The following RAPGEF4 variants were observed in gnomAD, a reference collection of about 807,000 sequenced individuals.
RAPGEF4 encodes the protein RAP guanine-nucleotide-exchange factor (GEF) 4.
Under a neutral mutation model 147.9 loss-of-function variants are expected in RAPGEF4, and 66 were observed. The observed-to-expected ratio is 0.45, with a 90% CI of 0.37 to 0.55. The LOEUF (loss-of-function observed/expected upper bound fraction) is 0.55. Among genes scored for constraint, RAPGEF4 ranks in the 20% least tolerant of loss-of-function variants. RAPGEF4 has a pLI of 0.00. For synonymous variants in RAPGEF4, 419 were observed against 442.7 expected (o/e 0.95, Z 0.67); for missense variants, 1,071 against 1,257.3 (o/e 0.85, Z 2.24).
intron 25 of RAPGEF4, among the ~76,000 whole-genome samples, chr2:173,029,527 C>T (rs1403324043): frequency 2.6e-5 from 4 of 152,082 alleles, no homozygotes; most frequent in East Asian, 1.9e-4. Context: ...CTAATAATGG[C>T]GTAAGTACAG....
intron 18 of RAPGEF4, among the ~76,000 whole-genome samples, chr2:173,015,292 C>T (rs1418262749): frequency 1.3e-5 from 2 of 152,186 alleles, no homozygotes; most frequent in Non-Finnish European, 2.9e-5. Flanking sequence ...TCCCGTAGCT[C>T]TAGCCCCAAA....
At chr2:173,012,960 A>C (rs1450455423) in intron 17 of RAPGEF4, among the ~76,000 whole-genome samples, 17 of 152,256 alleles carry the variant, frequency 1.1e-4, no homozygotes, top group Admixed American at 1.1e-3. Context: ...TAATCAGAAA[A>C]GAAATAATTT....
At chr2:172,822,679 T>C (rs184209918) in intron 4 of RAPGEF4, among the ~76,000 whole-genome samples, 14 of 152,222 alleles carry the variant, frequency 9.2e-5, no homozygotes, top group African/African-American at 3.1e-4. Flanking sequence ...ATTTCGGGAG[T>C]GTAGAGTGAA....
chr2:172,963,833 C>T (rs775205758), intron 8 of RAPGEF4, among the ~76,000 whole-genome samples: 1 of 152,134 alleles, frequency 6.6e-6, no homozygotes, highest in African/African-American at 2.4e-5. Context: ...TGCAGCATAA[C>T]CCCCCAAAAT....
intron 4 of RAPGEF4, chr2:172,821,935 G>T (rs2258180): frequency 0.52 from 830,973 of 1,611,662 alleles, 216,547 homozygotes; most frequent in East Asian, 0.57. Context: ...GGATGTCTGA[G>T]AACTTTGAGA....
At chr2:173,015,972 T>C (rs1695475023) in intron 18 of RAPGEF4, among the ~76,000 whole-genome samples, 1 of 152,190 alleles carries the variant, frequency 6.6e-6, no homozygotes, top group Non-Finnish European at 1.5e-5. Flanking sequence ...TTCAAAACAT[T>C]GGCTTTCATA....
At chr2:172,787,147 G>C (rs1211042193) in intron 1 of RAPGEF4, among the ~76,000 whole-genome samples, 4 of 152,136 alleles carry the variant, frequency 2.6e-5, no homozygotes, top group African/African-American at 9.7e-5. Flanking sequence ...GGGAGGTAGA[G>C]GTTGCGGTGA....
intron 4 of RAPGEF4, among the ~76,000 whole-genome samples, chr2:172,911,604 G>A (rs1354021702): frequency 2.0e-5 from 3 of 151,692 alleles, no homozygotes; most frequent in Non-Finnish European, 2.9e-5. Flanking sequence ...AATTATAGGC[G>A]TGTACCACCA....
chr2:172,799,159 C>T (rs976666162), intron 3 of RAPGEF4, among the ~76,000 whole-genome samples: 2 of 152,154 alleles, frequency 1.3e-5, no homozygotes, highest in Non-Finnish European at 2.9e-5. Flanking sequence ...TTATCCAGTC[C>T]TTCTTGGATA....
intron 4 of RAPGEF4, chr2:172,821,781 C>A: frequency 2.5e-6 from 3 of 1,224,104 alleles, no homozygotes; most frequent in East Asian, 3.9e-5. Flanking sequence ...TTCTTATTGC[C>A]TTAGACTGCC....
chr2:172,934,223 C>T (rs1303446818), intron 6 of RAPGEF4, among the ~76,000 whole-genome samples: 5 of 137,218 alleles, frequency 3.6e-5, no homozygotes, highest in South Asian at 2.3e-4. Flanking sequence ...AATCTCGGCT[C>T]ACTGCAACCT....
chr2:172,861,137 C>T (rs917429652), intron 4 of RAPGEF4, among the ~76,000 whole-genome samples: 4 of 152,136 alleles, frequency 2.6e-5, no homozygotes, highest in African/African-American at 9.7e-5. Flanking sequence ...GCTTAAAGCG[C>T]CTGCTGATTG....
At chr2:173,043,109 A>G (rs1299466149) in intron 29 of RAPGEF4, among the ~76,000 whole-genome samples, 1 of 151,134 alleles carries the variant, frequency 6.6e-6, no homozygotes, top group African/African-American at 2.4e-5. Flanking sequence ...GGATCTTGTG[A>G]AAAAAAAAAT....
intron 10 of RAPGEF4, among the ~76,000 whole-genome samples, chr2:172,971,755 A>AT (rs10670731): frequency 0.091 from 13,508 of 149,148 alleles, 637 homozygotes; most frequent in African/African-American, 0.11. Flanking sequence ...CACATACCCC[A>AT]TTTTTTTTTT....
intron 17 of RAPGEF4, among the ~76,000 whole-genome samples, chr2:173,009,228 G>A (rs1263317518): frequency 6.6e-6 from 1 of 152,194 alleles, no homozygotes; most frequent in East Asian, 1.9e-4. Context: ...GGGATTCCGG[G>A]TAACTTAATT....
At chr2:172,944,087 A>G (rs754147248) in intron 6 of RAPGEF4, among the ~76,000 whole-genome samples, 1 of 152,216 alleles carries the variant, frequency 6.6e-6, no homozygotes, top group South Asian at 2.1e-4. Context: ...CACATGGAAC[A>G]GGTTTTCCTC....
chr2:172,988,485 T>C (rs1366818820), intron 13 of RAPGEF4, among the ~76,000 whole-genome samples: 3 of 152,214 alleles, frequency 2.0e-5, no homozygotes, highest in East Asian at 1.9e-4. Flanking sequence ...TGGATTATAG[T>C]GTGTACATTT....
chr2:172,863,111 G>A (rs1201118350), intron 4 of RAPGEF4, among the ~76,000 whole-genome samples: 2 of 152,120 alleles, frequency 1.3e-5, no homozygotes, highest in African/African-American at 4.8e-5. Flanking sequence ...AAAATAGGGT[G>A]ACAAAGAAGA....
chr2:173,024,050 C>T (rs1000176087), intron 23 of RAPGEF4, among the ~76,000 whole-genome samples: 1 of 152,140 alleles, frequency 6.6e-6, no homozygotes, highest in African/African-American at 2.4e-5. Context: ...CCATCAGCTT[C>T]GGTTCAGTTC....
Sources: allele counts gnomAD v4.1 joint callset (sites outside exome capture counted in the v4.1 genomes callset), GRCh38; gene constraint gnomAD v4.1.1; transcripts MANE v1.5; gene names NCBI Gene and HGNC (gene_info 2026-07-23, HGNC 2026-07-21).